Variants in NCAPG observed in about 807,000 individuals in gnomAD.
The protein encoded by NCAPG is non-SMC condensin I complex subunit G.
NCAPG carries 69 observed loss-of-function variants against 113.1 expected under a neutral mutation model. The observed-to-expected ratio is 0.61, with a 90% confidence interval of 0.50 to 0.75. The LOEUF (loss-of-function observed/expected upper bound fraction) is 0.75, where lower values mean the gene tolerates loss of function less well. Among genes scored for constraint, NCAPG ranks in the 30% least tolerant of loss-of-function variants. The pLI is 0.00. For synonymous variants in NCAPG, 370 were observed against 415.8 expected (o/e 0.89, Z 1.34); for missense variants, 1,058 against 1,177.0 (o/e 0.90, Z 1.48).
rs1035807165 is a variant in NCAPG, at chr4:17,842,344, C to T, written c.2889C>T (p.Asn963=). The T allele has an allele frequency of 2.5e-6, 4 of 1,612,178 alleles. No homozygotes were observed. Among genetic ancestry groups the T allele is most frequent in the Non-Finnish European group, 3.4e-6 (4 of 1,178,550 alleles). ...AAGTGACAGTTTCAGCTAGGACGAA[C>T]AGGAGGTGTCAGACTGCTGAAGCCG... The part of the protein sequence containing the change: ...QRKVTVSART[N]RRCQTAEADS... The change falls in exon 20 of 21, where the codon AAC becomes AAT. Residue 963 remains asparagine (N), a synonymous_variant. Transcript: ENST00000251496.
intron 11 of NCAPG, among the ~76,000 whole-genome samples, chr4:17,825,972 G>A (rs1441637414): frequency 1.3e-5 from 2 of 151,996 alleles, no homozygotes; most frequent in Non-Finnish European, 2.9e-5. Context: ...CTATGGTAAC[G>A]TGCATTTTTT....
At position 17,843,461 on chromosome 4, in the gene NCAPG, T is replaced by C; in HGVS notation, c.*36T>C. 1 of 1,600,996 alleles carries C rather than the reference T, an allele frequency of 6.2e-7. No individual in the cohort carries two copies. Among genetic ancestry groups the C allele is most frequent in the South Asian group, 1.1e-5 (1 of 90,090 alleles). The stretch of plus-strand genomic sequence containing the variant: ...GGAGGTGGAATCCTTTAAGATTATG[T>C]CCAGTTATTTGCTTTAATAAAGAAG... On this transcript the variant is annotated 3_prime_UTR_variant, in exon 21 of 21. Coordinates refer to ENST00000251496, the MANE Select transcript of NCAPG (RefSeq NM_022346.5).
intron 14 of NCAPG, among the ~76,000 whole-genome samples, chr4:17,835,767 C>T (rs1023322306): frequency 2.6e-5 from 4 of 152,148 alleles, no homozygotes; most frequent in African/African-American, 7.2e-5. Context: ...ATAACATTTT[C>T]GAGATTCATC....
rs762554057 is a variant in NCAPG at position 17,815,375 on chromosome 4, T to C, written c.775+17T>C. The C allele has an allele frequency of 6.4e-7, 1 of 1,556,070 alleles. No individual in the cohort carries two copies. Among genetic ancestry groups the C allele is most frequent in the Non-Finnish European group, 8.7e-7 (1 of 1,152,414 alleles). On this transcript the variant is annotated intron_variant, in intron 5 of 20. Transcript: ENST00000251496. ...ACAGATCAGGTAAGATAAACAACTT[T>C]ATATATACAAAACTTTAGTAGATTT...
intron 7 of NCAPG, among the ~76,000 whole-genome samples, chr4:17,822,407 G>T (rs574832005): frequency 2.2e-4 from 34 of 151,930 alleles, no homozygotes; most frequent in African/African-American, 7.5e-4. Flanking sequence ...GGCCAGGCTG[G>T]TCTCGAACTC....
chr4:17,831,343 A>T (rs1721863534), intron 13 of NCAPG, among the ~76,000 whole-genome samples: 1 of 152,224 alleles, frequency 6.6e-6, no homozygotes, highest in Non-Finnish European at 1.5e-5. Context: ...CACATAGCAA[A>T]TACTTATTGA....
intron 20 of NCAPG, 40 bp downstream of exon 20, chr4:17,842,419 C>T: frequency 1.3e-6 from 2 of 1,512,378 alleles, no homozygotes; most frequent in East Asian, 4.5e-5. Context: ...GGCCTATCTT[C>T]ACTTTTTATT....
chr4:17,826,658 G>A (rs1721668800), intron 11 of NCAPG, among the ~76,000 whole-genome samples: 1 of 152,158 alleles, frequency 6.6e-6, no homozygotes, highest in Non-Finnish European at 1.5e-5. Flanking sequence ...CCATTTATGT[G>A]TCTATTTGTC....
In NCAPG at chr4:17,822,972, G is replaced by T. The variant is rs745753083; in HGVS notation, c.1119-11G>T. ...TAAAAGATTCTACTTTATTAATTCT[G>T]CTTGTTTTAGTTACATCCAGAGCAT... is the stretch of plus-strand genomic sequence containing the variant. On this transcript the variant is annotated splice_polypyrimidine_tract_variant and intron_variant, in intron 7 of 20. Transcript: ENST00000251496. The T allele has an allele frequency of 7.7e-6, 12 of 1,566,506 alleles. No homozygotes were observed. The Admixed American group carries it at 2.3e-4, about 30-fold the overall frequency.
intron 1 of NCAPG, 146 bp from the exon 2 acceptor site, chr4:17,812,075 C>A: frequency 1.6e-6 from 1 of 626,334 alleles, no homozygotes; most frequent in Non-Finnish European, 2.7e-6. Flanking sequence ...TGCCCTTTGG[C>A]TGGTTTGGAT....
rs1288415446 is a variant in NCAPG, at chr4:17,828,346, A to G, written c.1722A>G (p.Ser574=). 6.2e-7 allele frequency: 1 copy of G among 1,608,416 alleles called. No individual in the cohort carries two copies. Among genetic ancestry groups the G allele is most frequent in the Admixed American group, 1.7e-5 (1 of 59,440 alleles). The change falls in exon 12 of 21, where the codon TCA becomes TCG. Residue 574 remains serine, a synonymous_variant. Transcript: ENST00000251496. ...AACTGTTGAAGCAGATGTCCATTTC[A>G]ACAGGCTTAAGTGCAACCATGAATG... ...CYELLKQMSI[S]TGLSATMNGI...
intron 16 of NCAPG, among the ~76,000 whole-genome samples, 160 bp from the exon 17 acceptor site, chr4:17,839,516 G>A (rs532656307): frequency 6.3e-4 from 96 of 152,114 alleles, no homozygotes; most frequent in Non-Finnish European, 1.3e-3. Flanking sequence ...AAGAAGGGGA[G>A]CTTATTTTGG....
chr4:17,835,063 G>A (rs1181150157), intron 14 of NCAPG, among the ~76,000 whole-genome samples: 1 of 152,100 alleles, frequency 6.6e-6, no homozygotes, highest in Admixed American at 6.6e-5. Context: ...TATTGGGTGG[G>A]TAGAAGATGT....
In NCAPG at chr4:17,841,560, T is replaced by G. The variant is rs547462152; in HGVS notation, c.2855-750T>G. On this transcript the variant is annotated intron_variant, in intron 19 of 20. Coordinates refer to ENST00000251496, the MANE Select transcript of NCAPG (RefSeq NM_022346.5). Reference sequence around the variant, plus strand: ...AACATGAATGAAGTAGAGTATATAATTTTCAGACTGTCACATTGAACAGTT... The same window carrying G: ...AACATGAATGAAGTAGAGTATATAAGTTTCAGACTGTCACATTGAACAGTT... 3 of 152,060 alleles carry G rather than the reference T, an allele frequency of 2.0e-5. No homozygotes were observed. The East Asian group carries it at 5.8e-4, about 29-fold the overall frequency. 9.4% of individuals were successfully genotyped at this position (152,060 alleles called of 1,614,324 possible).
chr4:17,844,419 T>TTTAC lies in NCAPG; in HGVS notation c.*998_*1001dup, dbSNP rs1454564261. ...TAGGCTTATCATCTACTAGAGGCCA[T>TTTAC]TTACTTAAGGTGAAATTTTAAGATG... On this transcript the variant is annotated 3_prime_UTR_variant, in exon 21 of 21. Transcript: ENST00000251496. 2 of 152,406 alleles carry TTTAC rather than the reference T, an allele frequency of 1.3e-5. No individual in the cohort carries two copies. The highest frequency in any genetic ancestry group is 6.6e-5 in the Admixed American group (1 of 15,242). The allele number at this position is 152,406 out of a possible 1,614,324, so 9.4% of individuals were successfully genotyped here. A position where few individuals can be genotyped will look rare whatever the true frequency, so the allele number is the denominator to read the frequency against.
In NCAPG at chr4:17,844,019, G is replaced by C. The variant is rs754769949; in HGVS notation, c.*594G>C. The C allele has an allele frequency of 6.6e-6, 1 of 151,970 alleles. No homozygotes were observed. Among genetic ancestry groups the C allele is most frequent in the Admixed American group, 6.6e-5 (1 of 15,240 alleles). The allele number at this position is 151,970 out of a possible 1,614,324, so 9.4% of individuals were successfully genotyped here. A position where few individuals can be genotyped will look rare whatever the true frequency, so the allele number is the denominator to read the frequency against. On this transcript the variant is annotated 3_prime_UTR_variant, in exon 21 of 21. Coordinates refer to ENST00000251496, the MANE Select transcript of NCAPG (RefSeq NM_022346.5). Reference sequence around the variant, plus strand: ...TGCCTGGGAAATCTCTCTTCCTAAAGTATTTGTATATGGGAGTCCTTGTTT... The same window carrying C: ...TGCCTGGGAAATCTCTCTTCCTAAACTATTTGTATATGGGAGTCCTTGTTT...
chr4:17,837,453 A>G (rs938632500), intron 15 of NCAPG, 113 bp downstream of exon 15: 3 of 1,247,220 alleles, frequency 2.4e-6, no homozygotes, highest in South Asian at 3.0e-5. Flanking sequence ...TCTTTAGTAG[A>G]TAAATGATGA....
chr4:17,815,954 C>T (rs1320551940), intron 5 of NCAPG, among the ~76,000 whole-genome samples: 4 of 151,698 alleles, frequency 2.6e-5, no homozygotes, highest in African/African-American at 9.7e-5. Context: ...TTTGCCCTCT[C>T]TCTCTGACTT....
intron 14 of NCAPG, among the ~76,000 whole-genome samples, chr4:17,835,325 T>C (rs1206219300): frequency 6.6e-6 from 1 of 152,170 alleles, no homozygotes; most frequent in East Asian, 1.9e-4. Context: ...CCTGAATAGC[T>C]GGAATGACAG....
Sources: allele counts gnomAD v4.1 joint callset (sites outside exome capture counted in the v4.1 genomes callset), GRCh38; gene constraint gnomAD v4.1.1; transcripts MANE v1.5; gene names NCBI Gene and HGNC (gene_info 2026-07-23, HGNC 2026-07-21).